The following RAB1A variants were observed in gnomAD, a reference collection of about 807,000 sequenced individuals.
RAB1A encodes the protein ras-related protein Rab-1A.
In RAB1A, 2 loss-of-function variants were observed where a neutral mutation model predicts 26.0. That is an observed-to-expected ratio of 0.08 (90% CI 0.03 to 0.24). RAB1A has a LOEUF of 0.24. Ranked by LOEUF, RAB1A falls within the 10% of genes least tolerant of loss-of-function variation. RAB1A has a pLI of 1.00. For synonymous variants in RAB1A, 84 were observed against 84.9 expected (o/e 0.99, Z 0.06); for missense variants, 100 against 247.0 (o/e 0.40, Z 3.99).
chr2:65,114,793 C>T (rs1039546877), intron 1 of RAB1A, among the ~76,000 whole-genome samples: 1 of 150,774 alleles, frequency 6.6e-6, no homozygotes. Flanking sequence ...TGCAGTGAGC[C>T]GAGATTGCGC....
At chr2:65,109,721 A>G (rs181992267) in intron 1 of RAB1A, among the ~76,000 whole-genome samples, 3 of 151,964 alleles carry the variant, frequency 2.0e-5, no homozygotes, top group South Asian at 4.2e-4. Context: ...AAAAAAAAAA[A>G]AGAGAAAGGA....
At chr2:65,098,824 G>A (rs1669349945) in intron 2 of RAB1A, among the ~76,000 whole-genome samples, 1 of 128,722 alleles carries the variant, frequency 7.8e-6, no homozygotes, top group African/African-American at 2.8e-5. Context: ...GTTGTACCAT[G>A]TAACAGTACT....
intron 1 of RAB1A, among the ~76,000 whole-genome samples, chr2:65,125,120 T>C (rs1313983743): frequency 6.6e-6 from 1 of 150,916 alleles, no homozygotes; most frequent in East Asian, 1.9e-4. Context: ...GAAAGACTGA[T>C]AACATTTTCA....
intron 1 of RAB1A, among the ~76,000 whole-genome samples, chr2:65,117,607 C>G (rs956949667): frequency 8.5e-5 from 13 of 152,152 alleles, no homozygotes; most frequent in Non-Finnish European, 2.9e-5. Flanking sequence ...CACTCTGTCA[C>G]CTAGGCTAGA....
chr2:65,090,385 T>A (rs1409750472), intron 4 of RAB1A, among the ~76,000 whole-genome samples: 2 of 152,152 alleles, frequency 1.3e-5, no homozygotes, highest in South Asian at 2.1e-4. Flanking sequence ...GTTTCTGATT[T>A]AAAAAAATAG....
intron 2 of RAB1A, among the ~76,000 whole-genome samples, chr2:65,102,563 A>G (rs1308553013): frequency 2.6e-5 from 4 of 151,928 alleles, no homozygotes; most frequent in Non-Finnish European, 4.4e-5. Context: ...ATCACAGTTC[A>G]TCTGAGAAAA....
At chr2:65,115,906 A>G (rs1334676254) in intron 1 of RAB1A, among the ~76,000 whole-genome samples, 2 of 152,206 alleles carry the variant, frequency 1.3e-5, no homozygotes, top group Admixed American at 1.3e-4. Flanking sequence ...CTGTAATCCC[A>G]GCATTTTGGG....
At chr2:65,114,725 G>A (rs1305669637) in intron 1 of RAB1A, among the ~76,000 whole-genome samples, 2 of 151,992 alleles carry the variant, frequency 1.3e-5, no homozygotes, top group Non-Finnish European at 2.9e-5. Flanking sequence ...GGCGCCTGTA[G>A]TCCCAGCTAC....
At chr2:65,118,203 C>A (rs906872607) in intron 1 of RAB1A, among the ~76,000 whole-genome samples, 2 of 152,166 alleles carry the variant, frequency 1.3e-5, no homozygotes, top group African/African-American at 4.8e-5. Flanking sequence ...GTTGAATCAA[C>A]ATAACTAAAA....
chr2:65,121,117 C>T (rs1212834248), intron 1 of RAB1A, among the ~76,000 whole-genome samples: 3 of 151,404 alleles, frequency 2.0e-5, no homozygotes, highest in African/African-American at 7.3e-5. Flanking sequence ...AGGCATGGTG[C>T]CAGTTACTCA....
chr2:65,128,992 C>G (rs902038767), intron 1 of RAB1A, among the ~76,000 whole-genome samples: 6 of 152,058 alleles, frequency 3.9e-5, no homozygotes, highest in African/African-American at 1.4e-4. Context: ...TTTCATGACA[C>G]GTCATGGAAC....
chr2:65,097,768 T>C (rs6729273), intron 3 of RAB1A, among the ~76,000 whole-genome samples: 136,455 of 152,254 alleles, frequency 0.9, 61,273 homozygotes, highest in East Asian at 1. Flanking sequence ...GCTTCATGAA[T>C]AGAAAATTCA....
At chr2:65,116,996 G>A (rs1441270890) in intron 1 of RAB1A, among the ~76,000 whole-genome samples, 1 of 152,166 alleles carries the variant, frequency 6.6e-6, no homozygotes, top group Non-Finnish European at 1.5e-5. Context: ...AAGATGTGAA[G>A]GGTAAAGTTA....
intron 1 of RAB1A, among the ~76,000 whole-genome samples, chr2:65,116,247 T>C (rs904174067): frequency 6.6e-6 from 1 of 152,140 alleles, no homozygotes; most frequent in Non-Finnish European, 1.5e-5. Context: ...AAGCAGCAAG[T>C]GACACAAGAT....
chr2:65,088,183 C>T lies in RAB1A; in HGVS notation c.*310G>A, dbSNP rs1463625462. 2 of 243,848 alleles carry T rather than the reference C, an allele frequency of 8.2e-6. No homozygotes were observed. Among genetic ancestry groups the T allele is most frequent in the African/African-American group, 2.2e-5 (1 of 44,550 alleles). The allele number at this position is 243,848 out of a possible 1,614,324, so 15.1% of individuals were successfully genotyped here. Reference sequence around the variant, plus strand: ...TGACATCTAAACATGCCAATATAAACATCAAAACAAAATATATTCTAACCA... The same window carrying T: ...TGACATCTAAACATGCCAATATAAATATCAAAACAAAATATATTCTAACCA... On this transcript the variant is annotated 3_prime_UTR_variant, in exon 6 of 6. Transcript: ENST00000409784.
rs1371779458 is a variant in RAB1A at position 65,088,141 on chromosome 2, CT to C, written c.*351del. ...TTGATACAAAATGGCTGAACTTCAT[CT>C]TCAGAAGACTAAACCTGACATCTAA... On this transcript the variant is annotated 3_prime_UTR_variant, in exon 6 of 6. Transcript: ENST00000409784. 5.5e-6 allele frequency: 1 copy of C among 182,198 alleles called. No individual in the cohort carries two copies. The highest frequency in any genetic ancestry group is 1.5e-4 in the East Asian group (1 of 6,640). The allele number at this position is 182,198 out of a possible 1,614,324, so 11.3% of individuals were successfully genotyped here.
chr2:65,104,804 T>C lies in RAB1A; in HGVS notation c.26A>G (p.Asp9Gly). Residue 9 changes from aspartate to glycine, a missense_variant and splice_region_variant, in exon 2 of 6, where the codon GAT becomes GGT. This residue lies in a region of RAB1A where 33 missense variants were observed against 124.2 expected (regional missense o/e 0.27). Transcript: ENST00000409784. ...AATCAGAAGTAACTTGAATAAATAA[T>C]CACTGCAAAAAGAAAAAGAAAATGA... MSSMNPEY[D>G]YLFKLLLIGD... The C allele has an allele frequency of 6.2e-7, 1 of 1,608,860 alleles. No individual in the cohort carries two copies.
chr2:65,120,265 G>A (rs1669930495), intron 1 of RAB1A, among the ~76,000 whole-genome samples: 1 of 151,870 alleles, frequency 6.6e-6, no homozygotes, highest in Admixed American at 6.6e-5. Context: ...AGACCAGCCT[G>A]GCCAATAAGG....
chr2:65,120,477 A>C (rs1669937740), intron 1 of RAB1A, among the ~76,000 whole-genome samples: 4 of 151,538 alleles, frequency 2.6e-5, no homozygotes, highest in Admixed American at 2.0e-4. Context: ...AAAAAAAAAA[A>C]AAACTCAAAT....
Sources: allele counts gnomAD v4.1 joint callset (sites outside exome capture counted in the v4.1 genomes callset), GRCh38; gene constraint gnomAD v4.1.1; regional missense constraint gnomAD v4.1.1; transcripts MANE v1.5; gene names NCBI Gene and HGNC (gene_info 2026-07-23, HGNC 2026-07-21).